STX8: variants seen among roughly 807,000 people sequenced by gnomAD.
STX8 encodes syntaxin 8.
In STX8, 23 loss-of-function variants were observed where a neutral mutation model predicts 37.5. The ratio of observed to expected loss-of-function variants is 0.61; its 90% CI spans 0.44 to 0.87. STX8 has a LOEUF of 0.87. Among genes scored for constraint, STX8 ranks in the 40% least tolerant of loss-of-function variants. STX8 has a pLI of 0.00. For synonymous variants in STX8, 115 were observed against 99.1 expected (o/e 1.16, Z -0.95); for missense variants, 313 against 284.7 (o/e 1.10, Z -0.71).
chr17:9,402,031 GCCACAGTTGGC>G (rs1450554561), intron 6 of STX8, among the ~76,000 whole-genome samples: 13 of 152,108 alleles, frequency 8.5e-5, no homozygotes, highest in African/African-American at 1.2e-4. Context: ...GTCTCTTAGA[GCCACAGTTGGC>G]CCATGTATCT....
intron 6 of STX8, among the ~76,000 whole-genome samples, chr17:9,387,147 T>C (rs1912040784): frequency 6.6e-6 from 1 of 152,206 alleles, no homozygotes; most frequent in South Asian, 2.1e-4. Flanking sequence ...TCAAAGGAAG[T>C]GATTTCGAGA....
In STX8 at chr17:9,466,439, C is replaced by T. The variant is rs141931454; in HGVS notation, c.541+25390G>A. Among the ~76,000 whole-genome samples, 63 of 152,180 alleles carry T rather than the reference C, an allele frequency of 4.1e-4. 1 individual carries two copies. The East Asian group carries it at 0.012, about 28-fold the overall frequency. On this transcript the variant is annotated intron_variant, in intron 6 of 7. Coordinates refer to ENST00000306357, the MANE Select transcript of STX8 (RefSeq NM_004853.3). ...AGAGTGGACTAAATTCATTAATCGCCCTGGGAGATAAGTACTACTTCCAAG... is the reference window on the plus strand; with the variant it reads ...AGAGTGGACTAAATTCATTAATCGCTCTGGGAGATAAGTACTACTTCCAAG...
intron 6 of STX8, among the ~76,000 whole-genome samples, chr17:9,440,459 C>T (rs910218448): frequency 3.3e-5 from 5 of 152,112 alleles, no homozygotes; most frequent in African/African-American, 1.2e-4. Context: ...CTGCAGTTAT[C>T]TCCATTGGTC....
At chr17:9,276,362 T>A (rs1194084035) in intron 7 of STX8, among the ~76,000 whole-genome samples, 1 of 152,114 alleles carries the variant, frequency 6.6e-6, no homozygotes, top group Non-Finnish European at 1.5e-5. Context: ...TCTGTTTCAT[T>A]TTTTCCCCAA....
At chr17:9,384,946 CAAAA>C (rs534621496) in intron 6 of STX8, among the ~76,000 whole-genome samples, 1 of 74,106 alleles carries the variant, frequency 1.3e-5, no homozygotes. Context: ...CTCTCCATAC[CAAAA>C]AAAAAAAAAA....
chr17:9,481,697 T>C (rs60732127), intron 6 of STX8, among the ~76,000 whole-genome samples: 5,644 of 152,240 alleles, frequency 0.037, 335 homozygotes, highest in African/African-American at 0.13. Flanking sequence ...GTCCATGGCC[T>C]GTTAGGAACC....
intron 7 of STX8, among the ~76,000 whole-genome samples, chr17:9,372,779 A>AT (rs72485507): frequency 0.017 from 1,864 of 109,506 alleles, 43 homozygotes; most frequent in African/African-American, 0.06. Context: ...CCCAGCCCTC[A>AT]TTTTTTTTTT....
At chr17:9,468,730 C>G (rs1333685865) in intron 6 of STX8, among the ~76,000 whole-genome samples, 1 of 152,204 alleles carries the variant, frequency 6.6e-6, no homozygotes, top group Non-Finnish European at 1.5e-5. Flanking sequence ...CCCGGCCTTC[C>G]CAGGGTGTTC....
intron 6 of STX8, among the ~76,000 whole-genome samples, chr17:9,383,861 G>A (rs963678280): frequency 5.9e-5 from 9 of 151,918 alleles, no homozygotes; most frequent in African/African-American, 1.7e-4. Context: ...CCATTATAAC[G>A]GCATCAAAAG....
At chr17:9,276,628 GTTTTT>G (rs71361884) in intron 7 of STX8, among the ~76,000 whole-genome samples, 1 of 141,834 alleles carries the variant, frequency 7.1e-6, no homozygotes, top group Admixed American at 7.1e-5. Context: ...TTATTTGTTT[GTTTTT>G]TTTTTTTGGT....
Position 9,414,320 on chromosome 17 carries a change from C to CT in STX8, c.542-35668dup, listed in dbSNP as rs566661899. 3.4e-3 allele frequency among the ~76,000 whole-genome samples: 491 copies of CT among 145,612 alleles called. 4 individuals are homozygous for CT. Among genetic ancestry groups the CT allele is most frequent in the Middle Eastern group, 0.01 (3 of 286 alleles). On this transcript the variant is annotated intron_variant, in intron 6 of 7. Transcript: ENST00000306357. ...TTCTCAAACTCTCTGTGGTGCAGAA[C>CT]TTTTTTTTTTTCATTTTCAATGTGT...
intron 6 of STX8, among the ~76,000 whole-genome samples, chr17:9,450,728 G>A (rs1340764869): frequency 1.3e-5 from 2 of 151,676 alleles, no homozygotes; most frequent in African/African-American, 4.8e-5. Flanking sequence ...TGGCAAGGTA[G>A]GACTCATTGA....
chr17:9,461,008 T>A lies in STX8; in HGVS notation c.541+30821A>T, dbSNP rs188824453. 2.4e-3 allele frequency among the ~76,000 whole-genome samples: 361 copies of A among 149,248 alleles called. 4 individuals carry two copies. Among genetic ancestry groups the A allele is most frequent in the South Asian group, 1.7e-3 (8 of 4,734 alleles). On this transcript the variant is annotated intron_variant, in intron 6 of 7. Coordinates refer to ENST00000306357, the MANE Select transcript of STX8 (RefSeq NM_004853.3). ...TTTTTCCCTGTGAGTCTCAACAGCCTAGGAAAGAAAAATGTTTCCAACCCC... is the reference window on the plus strand; with the variant it reads ...TTTTTCCCTGTGAGTCTCAACAGCCAAGGAAAGAAAAATGTTTCCAACCCC...
chr17:9,536,211 C>T (rs1482658541), intron 4 of STX8, among the ~76,000 whole-genome samples: 1 of 152,170 alleles, frequency 6.6e-6, no homozygotes, highest in African/African-American at 2.4e-5. Context: ...ACACATTCTC[C>T]TTTCTCTTCT....
At chr17:9,309,143 A>G in intron 7 of STX8, among the ~76,000 whole-genome samples, 1 of 152,204 alleles carries the variant, frequency 6.6e-6, no homozygotes, top group African/African-American at 2.4e-5. Context: ...TCTTCCAAAG[A>G]GCCAATATCC....
At chr17:9,419,942 C>A (rs898246102) in intron 6 of STX8, among the ~76,000 whole-genome samples, 5 of 152,034 alleles carry the variant, frequency 3.3e-5, no homozygotes, top group African/African-American at 1.2e-4. Context: ...TAAAAGTTAC[C>A]CTCATTGTTC....
chr17:9,448,506 G>A (rs769346051), intron 6 of STX8, among the ~76,000 whole-genome samples: 6 of 123,404 alleles, frequency 4.9e-5, no homozygotes, highest in Non-Finnish European at 8.4e-5. Flanking sequence ...CTAAAGTGCC[G>A]TTTGGCGTTC....
chr17:9,319,394 G>A (rs1378783135), intron 7 of STX8, among the ~76,000 whole-genome samples: 1 of 152,062 alleles, frequency 6.6e-6, no homozygotes, highest in Non-Finnish European at 1.5e-5. Flanking sequence ...ACTCCAGCCT[G>A]GGCGACACAG....
At chr17:9,495,118 C>T (rs1904336611) in intron 5 of STX8, among the ~76,000 whole-genome samples, 1 of 152,134 alleles carries the variant, frequency 6.6e-6, no homozygotes, top group South Asian at 2.1e-4. Context: ...TTTAATTCAT[C>T]TGGAATTTAT....
Sources: allele counts gnomAD v4.1 joint callset (sites outside exome capture counted in the v4.1 genomes callset), GRCh38; gene constraint gnomAD v4.1.1; transcripts MANE v1.5; gene names NCBI Gene and HGNC (gene_info 2026-07-23, HGNC 2026-07-21).